Variants in PHLDB2 observed in about 807,000 individuals in gnomAD.
PHLDB2 encodes the protein pleckstrin homology like domain family B member 2, also known as pleckstrin homology-like domain family B member 2.
PHLDB2 carries 71 observed loss-of-function variants against 123.6 expected under a neutral mutation model. The ratio of observed to expected loss-of-function variants is 0.57; its 90% CI spans 0.47 to 0.70. The LOEUF is 0.70. Ranked by LOEUF, PHLDB2 falls within the 30% of genes least tolerant of loss-of-function variation. PHLDB2 has a pLI of 0.00. For synonymous variants in PHLDB2, 547 were observed against 541.6 expected (o/e 1.01, Z -0.14); for missense variants, 1,446 against 1,519.5 (o/e 0.95, Z 0.80).
In PHLDB2 at chr3:111,898,162, T is replaced by TTG. The variant is rs372434568; in HGVS notation, c.1335+12768_1335+12769dup. Among the ~76,000 whole-genome samples the TTG allele has an allele frequency of 1.3e-3, 173 of 136,074 alleles. 1 individual carries two copies. Among genetic ancestry groups the TTG allele is most frequent in the African/African-American group, 4.3e-3 (162 of 37,532 alleles). 89.3% of individuals were successfully genotyped at this position (136,074 alleles called of 152,430 possible). ...GGTTGGAGTGGCTGTGGCAATTTCTTTGTGTGTGTGTGTGTGTGTTTGTGT... is the reference window on the plus strand; with the variant it reads ...GGTTGGAGTGGCTGTGGCAATTTCTTTGTGTGTGTGTGTGTGTGTGTTTGTGT... On this transcript the variant is annotated intron_variant, in intron 2 of 17. Transcript: ENST00000431670.
At chr3:111,937,850 T>G (rs1035212464) in intron 6 of PHLDB2, among the ~76,000 whole-genome samples, 1 of 151,548 alleles carries the variant, frequency 6.6e-6, no homozygotes, top group Non-Finnish European at 1.5e-5. Flanking sequence ...TAAATAATGT[T>G]AAAGACTCCA....
chr3:111,944,517 A>G (rs993527287), intron 8 of PHLDB2, among the ~76,000 whole-genome samples: 2 of 152,192 alleles, frequency 1.3e-5, no homozygotes, highest in Admixed American at 6.5e-5. Context: ...AGCTAACACC[A>G]TAAAGTTCCC....
At chr3:111,934,850 T>C (rs2069371690) in intron 6 of PHLDB2, among the ~76,000 whole-genome samples, 1 of 152,166 alleles carries the variant, frequency 6.6e-6, no homozygotes, top group Non-Finnish European at 1.5e-5. Context: ...TATATGAGGA[T>C]ATTTAGGCCC....
chr3:111,790,111 C>G (rs1334245416), intron 1 of PHLDB2, among the ~76,000 whole-genome samples: 1 of 152,310 alleles, frequency 6.6e-6, no homozygotes, highest in East Asian at 1.9e-4. Context: ...TAGTCAGCTA[C>G]TAGGAAGTGG....
chr3:111,944,229 A>G (rs187391082), intron 8 of PHLDB2, among the ~76,000 whole-genome samples: 1 of 152,200 alleles, frequency 6.6e-6, no homozygotes, highest in Non-Finnish European at 1.5e-5. Flanking sequence ...ATGCTTGCTC[A>G]TAAGGGTGGA....
rs368083821 is a variant in PHLDB2, at chr3:111,930,971, T to G, written c.2002-1298T>G. Reference sequence around the variant, plus strand: ...AGACTCAAGTGAACTGGTATTGATATCATGTAGTTTTAGATTTGAACCATA... The same window carrying G: ...AGACTCAAGTGAACTGGTATTGATAGCATGTAGTTTTAGATTTGAACCATA... On this transcript the variant is annotated intron_variant, in intron 5 of 17. Transcript: ENST00000431670. 2.4e-4 allele frequency among the ~76,000 whole-genome samples: 36 copies of G among 152,358 alleles called. No homozygotes were observed. The Middle Eastern group carries it at 0.014, about 58-fold the overall frequency.
At chr3:111,943,435 A>AT (rs2070052688) in intron 8 of PHLDB2, among the ~76,000 whole-genome samples, 1 of 152,172 alleles carries the variant, frequency 6.6e-6, no homozygotes, top group Non-Finnish European at 1.5e-5. Context: ...AGAACAAAAT[A>AT]TAAGAGTGAA....
intron 13 of PHLDB2, 92 bp downstream of exon 13, chr3:111,962,404 C>A (rs1474667640): frequency 8.4e-6 from 10 of 1,189,524 alleles, no homozygotes; most frequent in Non-Finnish European, 1.2e-5. Flanking sequence ...TGTATATGCA[C>A]AAGCCCAAAT....
chr3:111,910,735 G>A (rs73228590), intron 2 of PHLDB2, among the ~76,000 whole-genome samples: 11,316 of 152,306 alleles, frequency 0.074, 605 homozygotes, highest in Non-Finnish European at 0.11. Context: ...ATTATCTTAT[G>A]ACAGTAATTT....
At chr3:111,881,365 T>C (rs1167494709) in intron 1 of PHLDB2, among the ~76,000 whole-genome samples, 5 of 152,218 alleles carry the variant, frequency 3.3e-5, no homozygotes, top group African/African-American at 9.6e-5. Flanking sequence ...CATGGTGTTA[T>C]TCAGGGTTTA....
intron 1 of PHLDB2, among the ~76,000 whole-genome samples, chr3:111,875,287 T>G (rs2065550254): frequency 6.6e-6 from 1 of 151,864 alleles, no homozygotes; most frequent in Admixed American, 6.6e-5. Flanking sequence ...TAGCTGGGAT[T>G]ACAGGCATGC....
At chr3:111,820,555 C>T (rs934078689) in intron 1 of PHLDB2, among the ~76,000 whole-genome samples, 2 of 152,190 alleles carry the variant, frequency 1.3e-5, no homozygotes, top group African/African-American at 4.8e-5. Flanking sequence ...TGTGTTGTGT[C>T]TCACACTAGC....
intron 10 of PHLDB2, 44 bp from the exon 11 acceptor site, chr3:111,952,528 A>C: frequency 6.3e-7 from 1 of 1,587,226 alleles, no homozygotes; most frequent in Non-Finnish European, 8.5e-7. Flanking sequence ...CACCTATTAC[A>C]GTTAGTCAAG....
intron 2 of PHLDB2, among the ~76,000 whole-genome samples, chr3:111,848,094 TC>T (rs1380912559): frequency 6.6e-6 from 1 of 152,068 alleles, no homozygotes; most frequent in Non-Finnish European, 1.5e-5. Context: ...ACCCTCACCT[TC>T]CCCCGTGTAC....
chr3:111,756,450 A>G (rs575271913), intron 1 of PHLDB2, among the ~76,000 whole-genome samples: 1 of 152,298 alleles, frequency 6.6e-6, no homozygotes, highest in African/African-American at 2.4e-5. Context: ...AAAGTCTTTT[A>G]TCAGAGACTA....
rs771137527 is a variant in PHLDB2, at chr3:111,945,306, C to A, written c.2436C>A (p.Ser812=). ...ENLCNLEKKY[S]SLSGGKGFPV... ...TTTGTAATTTGGAAAAGAAATACTC[C>A]AGCCTCTCTGGGGGGAAAGGGTTTC... The change falls in exon 9 of 18, where the codon TCC becomes TCA. Residue 812 remains serine (S), a synonymous_variant. Transcript: ENST00000431670. 3 of 1,611,038 alleles carry A rather than the reference C, an allele frequency of 1.9e-6. No homozygotes were observed. The highest frequency in any genetic ancestry group is 2.2e-5 in the South Asian group (2 of 90,838).
chr3:111,807,369 T>G (rs951590276), intron 1 of PHLDB2, among the ~76,000 whole-genome samples: 1 of 152,132 alleles, frequency 6.6e-6, no homozygotes, highest in African/African-American at 2.4e-5. Flanking sequence ...AAGTCATAAA[T>G]GTTGGAAACT....
In PHLDB2 at chr3:111,919,106, A is replaced by G; in HGVS notation, c.1754A>G (p.Gln585Arg). Reference protein sequence around the residue: ...PEGISEEQRSQELAAMEETRI... With the variant: ...PEGISEEQRSRELAAMEETRI... ...GGTATAAGTGAAGAACAGAGATCTC[A>G]GGAGTTGGCTGCAATGGAAGAAACC... is the stretch of plus-strand genomic sequence containing the variant. The change falls in exon 4 of 18, where the codon CAG (glutamine) becomes CGG (arginine). Residue 585 changes from glutamine to arginine, a missense_variant. Gln to Arg is a conservative substitution (Grantham distance 43). Coordinates refer to ENST00000431670, the MANE Select transcript of PHLDB2 (RefSeq NM_001134438.2). The G allele has an allele frequency of 6.2e-7, 1 of 1,614,082 alleles. No individual in the cohort carries two copies. The highest frequency in any genetic ancestry group is 2.2e-5 in the East Asian group (1 of 44,890).
chr3:111,951,161 A>C (rs1007350385), intron 10 of PHLDB2, among the ~76,000 whole-genome samples: 1 of 152,216 alleles, frequency 6.6e-6, no homozygotes, highest in Non-Finnish European at 1.5e-5. Context: ...TACAAGGAGC[A>C]TTAATCAGCC....
Sources: allele counts gnomAD v4.1 joint callset (sites outside exome capture counted in the v4.1 genomes callset), GRCh38; gene constraint gnomAD v4.1.1; transcripts MANE v1.5; gene names NCBI Gene and HGNC (gene_info 2026-07-23, HGNC 2026-07-21).